SCLT1: variants seen among roughly 807,000 people sequenced by gnomAD.
The protein encoded by SCLT1 is sodium channel and clathrin linker 1.
Under a neutral mutation model 112.8 loss-of-function variants are expected in SCLT1, and 78 were observed. The ratio of observed to expected loss-of-function variants is 0.69; its 90% CI spans 0.58 to 0.83. SCLT1 has a LOEUF of 0.83. Ranked by LOEUF, SCLT1 falls within the 40% of genes least tolerant of loss-of-function variation. SCLT1 has a pLI of 0.00. For missense variants in SCLT1, 747 were observed against 770.4 expected, an observed-to-expected ratio of 0.97 and a Z score of 0.36; for synonymous variants, 257 against 254.7, an observed-to-expected ratio of 1.01 and a Z score of -0.09.
chr4:129,064,943 T>C (rs868351096), intron 2 of SCLT1, among the ~76,000 whole-genome samples: 14 of 152,266 alleles, frequency 9.2e-5, no homozygotes, highest in Middle Eastern at 3.4e-3. Context: ...TAAAATAACA[T>C]GTACTCTATT....
chr4:128,959,862 T>A, intron 11 of SCLT1, 85 bp from the exon 12 acceptor site: 1 of 960,052 alleles, frequency 1.0e-6, no homozygotes, highest in East Asian at 2.4e-5. Flanking sequence ...ACAGGACAGG[T>A]ATTATGCCAG....
chr4:128,962,336 A>C (rs537336280), intron 11 of SCLT1, among the ~76,000 whole-genome samples: 71 of 152,350 alleles, frequency 4.7e-4, no homozygotes, highest in Middle Eastern at 3.4e-3. Context: ...TGAATGGAAT[A>C]GTCTGCACAA....
At chr4:128,964,548 A>T (rs1218122384) in intron 11 of SCLT1, among the ~76,000 whole-genome samples, 1 of 152,224 alleles carries the variant, frequency 6.6e-6, no homozygotes, top group Non-Finnish European at 1.5e-5. Flanking sequence ...CCCAAGATGC[A>T]AAAAGAATCT....
chr4:129,080,883 A>G (rs888247780), intron 2 of SCLT1, among the ~76,000 whole-genome samples: 1 of 152,184 alleles, frequency 6.6e-6, no homozygotes, highest in Non-Finnish European at 1.5e-5. Flanking sequence ...TGTGGGAGAG[A>G]GAGTTTCTGG....
At chr4:128,926,365 C>T (rs1736300777) in intron 18 of SCLT1, among the ~76,000 whole-genome samples, 1 of 152,140 alleles carries the variant, frequency 6.6e-6, no homozygotes. Context: ...TCTCTTATTA[C>T]TGCATAAACT....
At chr4:129,062,000 T>G (rs902018387) in intron 2 of SCLT1, among the ~76,000 whole-genome samples, 1 of 151,226 alleles carries the variant, frequency 6.6e-6, no homozygotes, top group Non-Finnish European at 1.5e-5. Context: ...GCGAGGTCTG[T>G]AGGAGTTAAT....
rs575274996 is a variant in SCLT1, at chr4:129,063,912, T to A, written c.102+18394A>T. 1.2e-4 allele frequency among the ~76,000 whole-genome samples: 18 copies of A among 152,310 alleles called. No individual in the cohort carries two copies. In the East Asian group the frequency reaches 3.5e-3, roughly 29 times the overall value. ...CTCTCACTTCCCTCTGTGGGAAGAA[T>A]CACAGGTTGAGGGAATCTCTCTTGG... On this transcript the variant is annotated intron_variant, in intron 2 of 20. Transcript: ENST00000281142.
intron 18 of SCLT1, among the ~76,000 whole-genome samples, chr4:128,923,639 GT>G (rs35752012): frequency 6.7e-6 from 1 of 149,858 alleles, no homozygotes; most frequent in South Asian, 2.1e-4. Context: ...TTCTATATCT[GT>G]TTTTTTTTCA....
At chr4:128,894,901 C>T (rs1024272312) in intron 18 of SCLT1, among the ~76,000 whole-genome samples, 3 of 152,172 alleles carry the variant, frequency 2.0e-5, no homozygotes, top group Admixed American at 2.0e-4. Context: ...TGGTATCAAA[C>T]TCCTGACCTC....
At chr4:128,989,858 G>T (rs947081454) in intron 9 of SCLT1, among the ~76,000 whole-genome samples, 3 of 151,572 alleles carry the variant, frequency 2.0e-5, no homozygotes, top group African/African-American at 7.3e-5. Context: ...TAGAAGAAAT[G>T]AATAAATTCC....
At chr4:128,935,711 T>A (rs1266468473) in intron 18 of SCLT1, among the ~76,000 whole-genome samples, 1 of 152,140 alleles carries the variant, frequency 6.6e-6, no homozygotes, top group Non-Finnish European at 1.5e-5. Context: ...TTTGTCTTTA[T>A]TTCTATTTCT....
intron 18 of SCLT1, among the ~76,000 whole-genome samples, chr4:128,906,262 ATCTCGGC>A (rs1306761295): frequency 6.6e-6 from 1 of 152,076 alleles, no homozygotes; most frequent in Non-Finnish European, 1.5e-5. Flanking sequence ...CAGTGGCGCG[ATCTCGGC>A]TCACTGCAAG....
chr4:128,912,932 C>G (rs979571994), intron 18 of SCLT1, among the ~76,000 whole-genome samples: 3 of 152,180 alleles, frequency 2.0e-5, no homozygotes, highest in Non-Finnish European at 2.9e-5. Context: ...AAACTGCAAT[C>G]TTGACTATTT....
intron 14 of SCLT1, 177 bp downstream of exon 14, chr4:128,952,591 GA>G: frequency 3.3e-6 from 2 of 610,614 alleles, no homozygotes; most frequent in East Asian, 2.8e-5. Flanking sequence ...TTTCCTGCTA[GA>G]ACATAAGCCA....
At chr4:129,075,053 T>A (rs1470419839) in intron 2 of SCLT1, among the ~76,000 whole-genome samples, 2 of 152,120 alleles carry the variant, frequency 1.3e-5, no homozygotes, top group Non-Finnish European at 2.9e-5. Context: ...TGATGGTGTA[T>A]CACAGAAAAA....
chr4:128,970,289 C>T (rs970301876), intron 10 of SCLT1, 89 bp downstream of exon 10: 1 of 729,438 alleles, frequency 1.4e-6, no homozygotes. Flanking sequence ...CTTCTGACAA[C>T]CCTCTTTAAC....
chr4:129,043,384 T>C lies in SCLT1; in HGVS notation c.234+11A>G. Reference sequence around the variant, plus strand: ...AAATATTACAAAAGCCTCATAACTATGATTTCATACCTGGTAATATTTCAG... The same window carrying C: ...AAATATTACAAAAGCCTCATAACTACGATTTCATACCTGGTAATATTTCAG... On this transcript the variant is annotated intron_variant, in intron 4 of 20. Coordinates refer to ENST00000281142, the MANE Select transcript of SCLT1 (RefSeq NM_144643.4). 7.5e-7 allele frequency: 1 copy of C among 1,339,428 alleles called. No individual in the cohort carries two copies. Among genetic ancestry groups the C allele is most frequent in the South Asian group, 1.2e-5 (1 of 80,478 alleles). The allele number at this position is 1,339,428 out of a possible 1,614,324, so 83.0% of individuals were successfully genotyped here.
chr4:129,024,004 C>G (rs1473926318), intron 5 of SCLT1, among the ~76,000 whole-genome samples: 1 of 152,240 alleles, frequency 6.6e-6, no homozygotes, highest in East Asian at 1.9e-4. Flanking sequence ...CCCGCCATTG[C>G]CCAGGCTTGC....
intron 5 of SCLT1, among the ~76,000 whole-genome samples, chr4:129,035,999 T>A (rs1418849896): frequency 6.6e-6 from 1 of 152,062 alleles, no homozygotes; most frequent in Non-Finnish European, 1.5e-5. Context: ...TACTTTTACA[T>A]AATCCACACC....
Sources: allele counts gnomAD v4.1 joint callset (sites outside exome capture counted in the v4.1 genomes callset), GRCh38; gene constraint gnomAD v4.1.1; transcripts MANE v1.5; gene names NCBI Gene and HGNC (gene_info 2026-07-23, HGNC 2026-07-21).